The following DNAH11 variants were observed in gnomAD, a reference collection of about 807,000 sequenced individuals.
The protein encoded by DNAH11 is dynein axonemal heavy chain 11.
A neutral mutation model predicts 526.0 loss-of-function variants in DNAH11; 442 were observed. The ratio of observed to expected loss-of-function variants is 0.84; its 90% CI spans 0.78 to 0.91. The LOEUF (loss-of-function observed/expected upper bound fraction) is 0.91, where lower values mean the gene tolerates loss of function less well. DNAH11 is among the 40% of genes least tolerant of loss of function. DNAH11 has a pLI of 0.00. For missense variants in DNAH11, 6,989 were observed against 5,448.7 expected (o/e 1.28, Z -8.90); for synonymous variants, 2,461 against 1,935.9 (o/e 1.27, Z -7.12).
In DNAH11 at chr7:21,779,278, A is replaced by G. The variant is rs78899205; in HGVS notation, c.9483+174A>G. ...TGATTACCACTTGACCTTTCTTTACATTATGCATTTCCCCAACCTTTTAGC... is the reference window on the plus strand; with the variant it reads ...TGATTACCACTTGACCTTTCTTTACGTTATGCATTTCCCCAACCTTTTAGC... On this transcript the variant is annotated intron_variant, in intron 57 of 81. Coordinates refer to ENST00000409508, the MANE Select transcript of DNAH11 (RefSeq NM_001277115.2). Among the ~76,000 whole-genome samples the G allele has an allele frequency of 2.4e-3, 365 of 152,318 alleles. 6 individuals carry two copies. Among genetic ancestry groups the G allele is most frequent in the East Asian group, 6.4e-3 (33 of 5,182 alleles).
intron 20 of DNAH11, among the ~76,000 whole-genome samples, chr7:21,607,937 A>C (rs1456430963): frequency 8.5e-5 from 1 of 11,818 alleles, no homozygotes; most frequent in Non-Finnish European, 2.8e-4. Context: ...ACTTCATCTC[A>C]AAAAAAAAAA....
At position 21,764,149 on chromosome 7, in the gene DNAH11, G is replaced by A. The variant is rs770429376; in HGVS notation, c.8941-1279G>A. Reference sequence around the variant, plus strand: ...GACTTACAGTTAACAATCCTGTATCGTACACTTAAAAATGTAAGAGGGTAG... The same window carrying A: ...GACTTACAGTTAACAATCCTGTATCATACACTTAAAAATGTAAGAGGGTAG... On this transcript the variant is annotated intron_variant, in intron 54 of 81. Coordinates refer to ENST00000409508, the MANE Select transcript of DNAH11 (RefSeq NM_001277115.2). 1.1e-4 allele frequency among the ~76,000 whole-genome samples: 17 copies of A among 152,190 alleles called. No homozygotes were observed. The East Asian group carries it at 1.9e-3, about 17-fold the overall frequency.
intron 60 of DNAH11, 94 bp from the exon 61 acceptor site, chr7:21,789,147 T>C: frequency 1.1e-6 from 1 of 916,116 alleles, no homozygotes. Flanking sequence ...AGTTGCTAGA[T>C]GAATTAGAGA....
intron 54 of DNAH11, among the ~76,000 whole-genome samples, chr7:21,757,122 G>C (rs912285000): frequency 1.3e-5 from 2 of 152,118 alleles, no homozygotes; most frequent in African/African-American, 2.4e-5. Flanking sequence ...AATTCCACTA[G>C]CTTCTGCATT....
chr7:21,595,931 G>C (rs944630691), intron 14 of DNAH11, among the ~76,000 whole-genome samples: 1 of 152,166 alleles, frequency 6.6e-6, no homozygotes, highest in Non-Finnish European at 1.5e-5. Context: ...GAGACAGTAG[G>C]AGGAAAACCA....
chr7:21,592,757 G>T (rs1784734771), intron 14 of DNAH11, among the ~76,000 whole-genome samples: 1 of 152,216 alleles, frequency 6.6e-6, no homozygotes, highest in Non-Finnish European at 1.5e-5. Flanking sequence ...AGCAGAATTT[G>T]CTTTGAGGAA....
intron 1 of DNAH11, among the ~76,000 whole-genome samples, chr7:21,544,030 A>T (rs1161153560): frequency 2.0e-5 from 3 of 152,162 alleles, no homozygotes; most frequent in Non-Finnish European, 4.4e-5. Flanking sequence ...TTACGTGCCA[A>T]CAACACTTCA....
At chr7:21,673,102 T>C (rs907216022) in intron 30 of DNAH11, among the ~76,000 whole-genome samples, 2 of 152,224 alleles carry the variant, frequency 1.3e-5, no homozygotes, top group African/African-American at 4.8e-5. Flanking sequence ...CATTTCTATG[T>C]TTATATAAAT....
At chr7:21,769,154 C>A (rs5020374) in intron 55 of DNAH11, among the ~76,000 whole-genome samples, 50,768 of 152,024 alleles carry the variant, frequency 0.33, 10,159 homozygotes, top group East Asian at 0.55. Context: ...AATGCAACCA[C>A]ATTTATCTTG....
rs1229352440 is a variant in DNAH11 at position 21,842,690 on chromosome 7, A to G, written c.10838A>G (p.Glu3613Gly). 1.9e-6 allele frequency: 3 copies of G among 1,613,722 alleles called. No homozygotes were observed. In the African/African-American group the frequency reaches 4.0e-5, roughly 22 times the overall value. ...LNFTVTEDGL[E>G]AQLLAEVVSI... Reference sequence around the variant, plus strand: ...TTCACAGTCACAGAAGATGGTCTAGAAGCCCAGCTGCTGGCAGAGGTTGTC... The same window carrying G: ...TTCACAGTCACAGAAGATGGTCTAGGAGCCCAGCTGCTGGCAGAGGTTGTC... Residue 3613 changes from glutamate to glycine, a missense_variant, in exon 66 of 82, where the codon GAA becomes GGA. Transcript: ENST00000409508.
chr7:21,856,637 A>T (rs1448810598), intron 68 of DNAH11, among the ~76,000 whole-genome samples: 1 of 152,236 alleles, frequency 6.6e-6, no homozygotes, highest in East Asian at 1.9e-4. Flanking sequence ...ATGTATCATG[A>T]CCAAGTGGAA....
At chr7:21,868,756 C>G in intron 72 of DNAH11, 108 bp from the exon 73 acceptor site, 10 of 1,402,038 alleles carry the variant, frequency 7.1e-6, no homozygotes, top group South Asian at 2.8e-5. Flanking sequence ...GAAAGTCACT[C>G]AGAAGATGGC....
chr7:21,845,536 A>G (rs1215981999), intron 66 of DNAH11, among the ~76,000 whole-genome samples: 3 of 152,040 alleles, frequency 2.0e-5, no homozygotes, highest in African/African-American at 4.8e-5. Flanking sequence ...TGAATAGATC[A>G]GTTGGATCTA....
At chr7:21,671,524 C>T (rs1866674) in intron 30 of DNAH11, among the ~76,000 whole-genome samples, 7,983 of 152,078 alleles carry the variant, frequency 0.052, 586 homozygotes, top group Admixed American at 0.22. Flanking sequence ...TTCTGGGGTT[C>T]GTAATTTATT....
chr7:21,583,237 A>G (rs1363092219), intron 9 of DNAH11, among the ~76,000 whole-genome samples: 1 of 152,162 alleles, frequency 6.6e-6, no homozygotes, highest in African/African-American at 2.4e-5. Flanking sequence ...ACCAAAACAG[A>G]TTGTAGACCA....
chr7:21,630,711 A>T (rs963576300), intron 25 of DNAH11, among the ~76,000 whole-genome samples: 2 of 151,890 alleles, frequency 1.3e-5, no homozygotes, highest in Non-Finnish European at 2.9e-5. Context: ...GAGCTCCTTT[A>T]TATCTTATTT....
At chr7:21,616,410 G>A in intron 22 of DNAH11, 118 bp downstream of exon 22, 1 of 731,930 alleles carries the variant, frequency 1.4e-6, no homozygotes, top group Non-Finnish European at 2.2e-6. Context: ...TTCTAACAGA[G>A]TGATAGCAGA....
chr7:21,641,719 C>T (rs956507866), intron 28 of DNAH11, among the ~76,000 whole-genome samples: 3 of 152,104 alleles, frequency 2.0e-5, no homozygotes, highest in Admixed American at 1.3e-4. Flanking sequence ...AAATTTTTTA[C>T]AACATGACTT....
Position 21,808,052 on chromosome 7 carries a change from A to G in DNAH11, c.10332+3A>G, listed in dbSNP as rs774841011. Reference sequence around the variant, plus strand: ...GGGTTCCCTTTCTTCAACAGAAGGTAAGTTCAGTTCCTTACCTTGTCAGCA... The same window carrying G: ...GGGTTCCCTTTCTTCAACAGAAGGTGAGTTCAGTTCCTTACCTTGTCAGCA... On this transcript the variant is annotated splice_donor_region_variant and intron_variant, in intron 63 of 81. Coordinates refer to ENST00000409508, the MANE Select transcript of DNAH11 (RefSeq NM_001277115.2). 1.8e-5 allele frequency: 28 copies of G among 1,517,720 alleles called. No homozygotes were observed. The highest frequency in any genetic ancestry group is 2.5e-5 in the Non-Finnish European group (28 of 1,118,480). The allele number at this position is 1,517,720 out of a possible 1,614,324, so 94.0% of individuals were successfully genotyped here.
Sources: gnomAD v4.1 joint callset for allele counts (sites outside exome capture counted in the v4.1 genomes callset) on GRCh38, gnomAD v4.1.1 for gene constraint, MANE v1.5 for transcripts, NCBI Gene and HGNC (gene_info 2026-07-23, HGNC 2026-07-21) for gene names.